The following CDKN2B-AS1 variants were observed in gnomAD, a reference collection of about 807,000 sequenced individuals.
CDKN2B-AS1 encodes the protein CDKN2B antisense RNA 1 (non-protein coding).
intron 1 of CDKN2B-AS1, chr9:22,046,238 G>A (rs1204760256): frequency 2.0e-5 from 3 of 152,218 alleles, no homozygotes; most frequent in East Asian, 3.9e-4. Context: ...CACTATGCTA[G>A]GAAGTTTATG....
chr9:22,045,317 G>A (rs1012419113), intron 1 of CDKN2B-AS1, among the ~76,000 whole-genome samples: 10 of 151,846 alleles, frequency 6.6e-5, no homozygotes, highest in Non-Finnish European at 1.5e-4. Flanking sequence ...TTTTGAATTT[G>A]CTTAGATTTA....
At chr9:22,089,706 T>C (rs2131339959) in intron 4 of CDKN2B-AS1, among the ~76,000 whole-genome samples, 1 of 152,246 alleles carries the variant, frequency 6.6e-6, no homozygotes, top group South Asian at 2.1e-4. Context: ...TACCTCAGCC[T>C]CCCAAAGTGC....
chr9:22,105,346 G>T (rs968488965), intron 4 of CDKN2B-AS1, among the ~76,000 whole-genome samples: 3 of 152,178 alleles, frequency 2.0e-5, no homozygotes, highest in Non-Finnish European at 4.4e-5. Context: ...AAATAAACAT[G>T]ATCATTTATT....
intron 4 of CDKN2B-AS1, among the ~76,000 whole-genome samples, chr9:22,105,199 G>A (rs1825616992): frequency 6.6e-6 from 1 of 152,174 alleles, no homozygotes. Context: ...ATGACTTGTA[G>A]GCCGAGGCAG....
rs144912618 is a variant in CDKN2B-AS1 at position 22,045,863 on chromosome 9, T to A, written n.30-888T>A. On this transcript the variant is annotated intron_variant and non_coding_transcript_variant, in intron 1 of 4. Coordinates refer to ENST00000650946, the Ensembl canonical transcript of CDKN2B-AS1. ...CCAAGCTCTTCAAAATGCTCATAAA[T>A]CAGAAGGTGTATTTATTAAACAATA... Among the ~76,000 whole-genome samples, 36 of 152,214 alleles carry A rather than the reference T, an allele frequency of 2.4e-4. 1 individual carries two copies. In the East Asian group the frequency reaches 5.6e-3, roughly 24 times the overall value.
intron 4 of CDKN2B-AS1, among the ~76,000 whole-genome samples, chr9:22,087,409 G>A (rs1339054129): frequency 6.6e-6 from 1 of 152,150 alleles, no homozygotes; most frequent in African/African-American, 2.4e-5. Flanking sequence ...ACCATTGACT[G>A]AATCTACCCT....
rs1821369652 is a variant in CDKN2B-AS1, at chr9:22,009,264, G to T, written n.29+14103G>T. 6 of 523,418 alleles carry T rather than the reference G, an allele frequency of 1.1e-5. No individual in the cohort carries two copies. The South Asian group carries it at 1.3e-4, about 11-fold the overall frequency. 32.4% of individuals were successfully genotyped at this position (523,418 alleles called of 1,614,324 possible). On this transcript the variant is annotated intron_variant and non_coding_transcript_variant, in intron 1 of 4. Coordinates refer to ENST00000650946, the Ensembl canonical transcript of CDKN2B-AS1. ...GCCGCTCTGGCCGCAGGGTGCGGAC[G>T]CGTCGCGGAGTCCTCACTGCCCCGC...
rs1820705779 is a variant in CDKN2B-AS1, at chr9:21,996,692, G to C, written n.29+1531G>C. 6.6e-6 allele frequency among the ~76,000 whole-genome samples: 1 copy of C among 152,064 alleles called. No homozygotes were observed. The highest frequency in any genetic ancestry group is 1.5e-5 in the Non-Finnish European group (1 of 67,988). On this transcript the variant is annotated intron_variant and non_coding_transcript_variant, in intron 1 of 4. Transcript: ENST00000650946. This position sits in a 1 kb window ranked among gnomAD's most constrained non-coding sequence, Gnocchi z 5.4. ...TCCCCTCCTACCACCACCTTCAGCC[G>C]GCCTCCGCCTCTGTAGGGGGGCATT...
intron 4 of CDKN2B-AS1, among the ~76,000 whole-genome samples, chr9:22,079,943 G>A (rs957420462): frequency 4.6e-5 from 7 of 152,196 alleles, no homozygotes; most frequent in Non-Finnish European, 8.8e-5. Context: ...TTTCGGTAGA[G>A]TCATACAGAG....
At position 22,000,118 on chromosome 9, in the gene CDKN2B-AS1, G is replaced by C. The variant is rs775384089; in HGVS notation, n.29+4957G>C. On this transcript the variant is annotated intron_variant and non_coding_transcript_variant, in intron 1 of 4. Coordinates refer to ENST00000650946, the Ensembl canonical transcript of CDKN2B-AS1. This position sits in a 1 kb window ranked among gnomAD's most constrained non-coding sequence, Gnocchi z 4.1. ...ACAGGAATATTGGGGCTCAAACCTA[G>C]AGATTCTAATTTTGTAGACCTGGAG... 4.8e-4 allele frequency among the ~76,000 whole-genome samples: 73 copies of C among 152,144 alleles called. No individual in the cohort carries two copies. The highest frequency in any genetic ancestry group is 7.9e-4 in the Non-Finnish European group (54 of 67,984).
At chr9:22,017,342 A>G (rs1012674194) in intron 1 of CDKN2B-AS1, among the ~76,000 whole-genome samples, 10 of 152,132 alleles carry the variant, frequency 6.6e-5, no homozygotes, top group Non-Finnish European at 1.3e-4. Context: ...AGAAAAAAAT[A>G]AATAAAATAA....
At chr9:22,016,843 A>T (rs561766067) in intron 1 of CDKN2B-AS1, among the ~76,000 whole-genome samples, 1 of 152,354 alleles carries the variant, frequency 6.6e-6, no homozygotes, top group East Asian at 1.9e-4. Context: ...GTGACTAATG[A>T]TTTTAACATT....
rs3218002 is a variant in CDKN2B-AS1, at chr9:22,000,842, G to A, written n.29+5681G>A. Among the ~76,000 whole-genome samples, 21,023 of 152,102 alleles carry A rather than the reference G, an allele frequency of 0.14. 1,702 individuals carry two copies. The highest frequency in any genetic ancestry group is 0.23 in the African/African-American group (9,492 of 41,470). On this transcript the variant is annotated intron_variant and non_coding_transcript_variant, in intron 1 of 4. Coordinates refer to ENST00000650946, the Ensembl canonical transcript of CDKN2B-AS1. This position sits in a 1 kb window ranked among gnomAD's most constrained non-coding sequence, Gnocchi z 4.1. The stretch of plus-strand genomic sequence containing the variant: ...TACTAAGAGAAGAGAGAAACCCGAA[G>A]AACAATGGATTATCCTTACATATTT...
In CDKN2B-AS1 at chr9:22,045,038, T is replaced by TTGTGTGTGTG. The variant is rs3028395; in HGVS notation, n.30-1689_30-1680dup. Among the ~76,000 whole-genome samples, 1,162 of 141,924 alleles carry TTGTGTGTGTG rather than the reference T, an allele frequency of 8.2e-3. 9 individuals are homozygous for TTGTGTGTGTG. The highest frequency in any genetic ancestry group is 0.023 in the African/African-American group (841 of 36,554). 93.1% of individuals were successfully genotyped at this position (141,924 alleles called of 152,430 possible). On this transcript the variant is annotated intron_variant and non_coding_transcript_variant, in intron 1 of 4. Transcript: ENST00000650946. ...TTTCTTTTGGAAAAATATTATTTAT[T>TTGTGTGTGTG]TGTGTGTGTGTGTGTGTGTGTGTGT...
chr9:22,011,274 G>C (rs368056993), intron 1 of CDKN2B-AS1, among the ~76,000 whole-genome samples: 1 of 152,130 alleles, frequency 6.6e-6, no homozygotes, highest in East Asian at 1.9e-4. Context: ...GCTCAACCTG[G>C]TTTTCAAATA....
Position 22,006,960 on chromosome 9 carries a change from G to A in CDKN2B-AS1, n.29+11799G>A, listed in dbSNP as rs1216494611. 6.6e-6 allele frequency among the ~76,000 whole-genome samples: 1 copy of A among 151,982 alleles called. No individual in the cohort carries two copies. Among genetic ancestry groups the A allele is most frequent in the East Asian group, 1.9e-4 (1 of 5,204 alleles). On this transcript the variant is annotated intron_variant and non_coding_transcript_variant, in intron 1 of 4. Transcript: ENST00000650946. The surrounding 1 kb of genome is among the most constrained non-coding windows in gnomAD (Gnocchi z 6.4). ...TTAACAGTTCATCATTTTAAATTTA[G>A]ACTATAATATTTTTAATGTAATATA...
At chr9:22,090,732 T>C (rs1035318542) in intron 4 of CDKN2B-AS1, among the ~76,000 whole-genome samples, 2 of 152,210 alleles carry the variant, frequency 1.3e-5, no homozygotes, top group Non-Finnish European at 2.9e-5. Flanking sequence ...ATTAGCCCTT[T>C]GTTGGATGAG....
intron 3 of CDKN2B-AS1, among the ~76,000 whole-genome samples, chr9:22,053,957 T>A (rs1823456289): frequency 6.7e-6 from 1 of 149,482 alleles, no homozygotes; most frequent in African/African-American, 2.5e-5. Context: ...AGCCTTAAAT[T>A]AAAAAAAAAA....
intron 4 of CDKN2B-AS1, among the ~76,000 whole-genome samples, chr9:22,103,519 G>A (rs1825560711): frequency 2.0e-5 from 3 of 152,096 alleles, no homozygotes; most frequent in African/African-American, 4.8e-5. Context: ...CACATCGTTC[G>A]AGAATGCTGC....
Sources: gnomAD v4.1 joint callset for allele counts (sites outside exome capture counted in the v4.1 genomes callset) on GRCh38, gnomAD v4.1.1 for gene constraint, Gnocchi (gnomAD v3.1) non-coding constraint, MANE v1.5 for transcripts, NCBI Gene and HGNC (gene_info 2026-07-23, HGNC 2026-07-21) for gene names.